The following PTK2 variants were observed in gnomAD, a reference collection of about 807,000 sequenced individuals.
PTK2 encodes the protein focal adhesion kinase 1.
PTK2 carries 45 observed loss-of-function variants against 150.1 expected under a neutral mutation model. The ratio of observed to expected loss-of-function variants is 0.30; its 90% confidence interval spans 0.24 to 0.38. The LOEUF (loss-of-function observed/expected upper bound fraction) is 0.38. Among genes scored for constraint, PTK2 ranks in the 10% least tolerant of loss-of-function variants. The pLI, the probability that PTK2 is intolerant of heterozygous loss-of-function variation, is 1.00. For missense variants in PTK2, 919 were observed against 1,307.3 expected (o/e 0.70, Z 4.58); for synonymous variants, 432 against 449.2 (o/e 0.96, Z 0.48).
intron 24 of PTK2, among the ~76,000 whole-genome samples, 198 bp downstream of exon 27, chr8:140,705,921 T>C (rs547128765): frequency 1.6e-4 from 25 of 152,296 alleles, no homozygotes; most frequent in African/African-American, 5.8e-4. Context: ...CACTCGAAGA[T>C]GGAGTGAAAA....
intron 12 of PTK2, among the ~76,000 whole-genome samples, chr8:140,799,791 T>C (rs969026101): frequency 2.0e-5 from 3 of 152,210 alleles, no homozygotes; most frequent in African/African-American, 7.2e-5. Context: ...ATAGATGGTG[T>C]CACAGAGGAC....
intron 5 of PTK2, among the ~76,000 whole-genome samples, chr8:140,862,218 T>C (rs1261321642): frequency 6.6e-6 from 1 of 152,130 alleles, no homozygotes; most frequent in Non-Finnish European, 1.5e-5. Context: ...AAAGTACCCA[T>C]GTATTTCCTC....
At chr8:140,680,548 T>C (rs2100016382) in intron 27 of PTK2, among the ~76,000 whole-genome samples, 1 of 152,206 alleles carries the variant, frequency 6.6e-6, no homozygotes, top group South Asian at 2.1e-4. Flanking sequence ...TTAACAAATT[T>C]ACATTTTTTT....
intron 14 of PTK2, among the ~76,000 whole-genome samples, chr8:140,777,526 G>T (rs1427224995): frequency 6.6e-6 from 1 of 152,242 alleles, no homozygotes; most frequent in African/African-American, 2.4e-5. Flanking sequence ...TTCAACATGA[G>T]ATTTGGGCAG....
chr8:140,828,226 A>C (rs1314539145), intron 8 of PTK2, among the ~76,000 whole-genome samples: 2 of 152,138 alleles, frequency 1.3e-5, no homozygotes, highest in African/African-American at 4.8e-5. Flanking sequence ...CAGGGTCCCA[A>C]GATTGAAGGG....
chr8:140,808,273 G>C (rs1011731222), intron 10 of PTK2, among the ~76,000 whole-genome samples: 1 of 152,218 alleles, frequency 6.6e-6, no homozygotes, highest in African/African-American at 2.4e-5. Context: ...TTACATAGCA[G>C]AGGGTTGGTC....
chr8:140,942,224 C>A (rs2100176073), intron 1 of PTK2, among the ~76,000 whole-genome samples: 1 of 152,102 alleles, frequency 6.6e-6, no homozygotes, highest in Admixed American at 6.6e-5. Context: ...CATAAATGTA[C>A]CCTACCATTA....
At chr8:140,927,130 A>G (rs115172587) in intron 1 of PTK2, among the ~76,000 whole-genome samples, 348 of 152,326 alleles carry the variant, frequency 2.3e-3, no homozygotes, top group African/African-American at 7.9e-3. Context: ...ATCTATCCAT[A>G]TATGTTATAA....
intron 5 of PTK2, among the ~76,000 whole-genome samples, chr8:140,850,561 T>TAAAA (rs538920575): frequency 1.7e-5 from 2 of 120,982 alleles, no homozygotes; most frequent in Non-Finnish European, 3.5e-5. Flanking sequence ...CCATCTCTAC[T>TAAAA]AAAAAAAAAA....
intron 2 of PTK2, among the ~76,000 whole-genome samples, chr8:140,896,237 A>G (rs1365966398): frequency 6.6e-6 from 1 of 152,222 alleles, no homozygotes; most frequent in Non-Finnish European, 1.5e-5. Flanking sequence ...ACAAATTAAG[A>G]AATATTAATC....
chr8:140,722,338 G>T lies in PTK2; in HGVS notation c.2031-4629C>A, dbSNP rs183655757. Among the ~76,000 whole-genome samples the T allele has an allele frequency of 2.8e-4, 43 of 152,250 alleles. 2 individuals carry two copies. The highest frequency in any genetic ancestry group is 1.0e-3 in the African/African-American group (42 of 41,556). On this transcript the variant is annotated intron_variant, in intron 22 of 31. Transcript: ENST00000522684. ...AGCCTAGGCTGGAGTTCAGTGGCAC[G>T]ATCATTCCTGGACTCAAATAATCCT...
chr8:140,893,388 A>G (rs1464597534), intron 2 of PTK2, among the ~76,000 whole-genome samples: 12 of 152,224 alleles, frequency 7.9e-5, no homozygotes, highest in Non-Finnish European at 1.2e-4. Context: ...TAATAACCCA[A>G]ATATCCACAT....
chr8:140,789,388 C>T (rs533950284), intron 14 of PTK2, 86 bp downstream of exon 14: 54 of 1,330,206 alleles, frequency 4.1e-5, no homozygotes, highest in Admixed American at 2.8e-4. Flanking sequence ...TATTCTAGAA[C>T]GAAGCAATTA....
chr8:140,833,565 T>C (rs1484676332), intron 7 of PTK2, among the ~76,000 whole-genome samples: 1 of 152,178 alleles, frequency 6.6e-6, no homozygotes, highest in African/African-American at 2.4e-5. Context: ...CCATGATCTG[T>C]GTGTTTGGGA....
At chr8:140,829,137 G>A (rs554906529) in intron 8 of PTK2, among the ~76,000 whole-genome samples, 3 of 152,196 alleles carry the variant, frequency 2.0e-5, no homozygotes, top group Non-Finnish European at 4.4e-5. Flanking sequence ...ACTAGAAAGA[G>A]AGCCTGAAAT....
At chr8:140,941,039 T>G (rs1001250356) in intron 1 of PTK2, among the ~76,000 whole-genome samples, 1 of 151,918 alleles carries the variant, frequency 6.6e-6, no homozygotes, top group African/African-American at 2.4e-5. Flanking sequence ...ACACATAAAT[T>G]CAACTGAAAT....
At chr8:140,771,859 C>A (rs2100075680) in intron 14 of PTK2, among the ~76,000 whole-genome samples, 1 of 151,414 alleles carries the variant, frequency 6.6e-6, no homozygotes, top group Admixed American at 6.6e-5. Flanking sequence ...TGGCTCACTG[C>A]AACCTCTGCC....
intron 7 of PTK2, among the ~76,000 whole-genome samples, chr8:140,830,774 T>A (rs192752834): frequency 2.6e-5 from 4 of 152,354 alleles, no homozygotes; most frequent in Admixed American, 2.0e-4. Context: ...GTTTTTTCTT[T>A]TTTTACCTTT....
intron 29 of PTK2, chr8:140,673,999 A>G: frequency 4.0e-6 from 2 of 503,674 alleles, no homozygotes; most frequent in South Asian, 3.1e-5. Context: ...TTTGTTCTAA[A>G]GAAAACATTC....
Sources: gnomAD v4.1 joint callset for allele counts (sites outside exome capture counted in the v4.1 genomes callset) on GRCh38, gnomAD v4.1.1 for gene constraint, MANE v1.5 for transcripts, NCBI Gene and HGNC (gene_info 2026-07-23, HGNC 2026-07-21) for gene names.